ZNF875: variants seen among roughly 807,000 people sequenced by gnomAD.
ZNF875 encodes zinc finger protein 875.
A neutral mutation model predicts 11.2 loss-of-function variants in ZNF875; 14 were observed. The ratio of observed to expected loss-of-function variants is 1.26; its 90% CI spans 0.83 to 1.96. The LOEUF is 1.96. ZNF875 is among the 30% of genes most tolerant of loss of function. The pLI is 0.00. For missense variants in ZNF875, 752 were observed against 760.4 expected (o/e 0.99, Z 0.13); for synonymous variants, 301 against 281.1 (o/e 1.07, Z -0.71).
chr19:37,363,113 C>G lies in ZNF875; in HGVS notation c.1261C>G (p.Pro421Ala), dbSNP rs769801823. Residue 421 changes from proline (P) to alanine (A), a missense_variant, in exon 5 of 5, where the codon CCT becomes GCT. Coordinates refer to ENST00000392153, the MANE Select transcript of ZNF875 (RefSeq NM_001353803.2). ...CTTAAGGACACACACAGGAGAGAAG[C>G]CTTATGTATGCACAGAATGTGGGCG... Reference protein sequence around the residue: ...RHLRTHTGEKPYVCTECGRHF... With the variant: ...RHLRTHTGEKAYVCTECGRHF... The G allele has an allele frequency of 3.7e-6, 6 of 1,613,882 alleles. No individual in the cohort carries two copies. The East Asian group carries it at 1.1e-4, about 30-fold the overall frequency.
At chr19:37,338,452 A>C (rs558649699) in intron 2 of ZNF875, among the ~76,000 whole-genome samples, 1 of 152,244 alleles carries the variant, frequency 6.6e-6, no homozygotes, top group East Asian at 1.9e-4. Context: ...CACCACTCCC[A>C]GTGTTACCAG....
intron 1 of ZNF875, among the ~76,000 whole-genome samples, chr19:37,321,491 G>A (rs1405598235): frequency 6.6e-6 from 1 of 152,292 alleles, no homozygotes; most frequent in East Asian, 1.9e-4. Context: ...AGATGGTAGA[G>A]ATAATGATCA....
intron 1 of ZNF875, among the ~76,000 whole-genome samples, chr19:37,321,077 CTG>C (rs1217829711): frequency 1.3e-5 from 2 of 152,160 alleles, no homozygotes; most frequent in Non-Finnish European, 2.9e-5. Context: ...ACACAAAACA[CTG>C]TGTAAGGCCG....
chr19:37,323,804 C>T lies in ZNF875; in HGVS notation c.-661+234C>T, dbSNP rs546471437. 1.1e-4 allele frequency among the ~76,000 whole-genome samples: 16 copies of T among 152,290 alleles called. 1 individual carries two copies. In the South Asian group the frequency reaches 3.1e-3, roughly 30 times the overall value. On this transcript the variant is annotated intron_variant, in intron 3 of 5. Coordinates refer to the ZNF875 transcript ENST00000544914. Reference sequence around the variant, plus strand: ...ACTGTGTCCCCCAAAGGACATGAGGCCACAAACTGAAGTGCCCATGAACAG... The same window carrying T: ...ACTGTGTCCCCCAAAGGACATGAGGTCACAAACTGAAGTGCCCATGAACAG...
Position 37,362,462 on chromosome 19 carries a change from C to T in ZNF875, c.610C>T (p.Arg204Trp), listed in dbSNP as rs763616903. ...TVVDIGSSPERRADLEETDKV... is the reference protein window; with the variant it reads ...TVVDIGSSPEWRADLEETDKV... ...GGTGGATATAGGGTCCAGCCCTGAA[C>T]GGAGGGCAGATCTAGAGGAAACAGA... The change falls in exon 5 of 5, where the codon CGG becomes TGG. Residue 204 changes from arginine (R) to tryptophan (W), a missense_variant. Transcript: ENST00000392153. 3.0e-5 allele frequency: 48 copies of T among 1,613,940 alleles called. No individual in the cohort carries two copies. Among genetic ancestry groups the T allele is most frequent in the Non-Finnish European group, 3.2e-5 (38 of 1,179,978 alleles).
chr19:37,352,172 A>G (rs1241328332), intron 4 of ZNF875, among the ~76,000 whole-genome samples: 2 of 150,424 alleles, frequency 1.3e-5, no homozygotes, highest in Non-Finnish European at 3.0e-5. Context: ...TTTTAGCAAT[A>G]CCGCTTGTCT....
upstream of ZNF875, chr19:37,315,745 C>T (rs1333870413): frequency 6.6e-6 from 1 of 152,074 alleles, no homozygotes; most frequent in Admixed American, 6.5e-5. Flanking sequence ...AAGTTTTTTT[C>T]TAGTGTTTAT....
chr19:37,359,673 A>T (rs2039581020), intron 4 of ZNF875: 1 of 214,746 alleles, frequency 4.7e-6, no homozygotes, highest in Non-Finnish European at 9.4e-6. Context: ...AAGTGCTGGG[A>T]TTACAGGCAT....
intron 3 of ZNF875, 132 bp from the exon 4 acceptor site, chr19:37,347,645 C>T (rs1188087548): frequency 1.5e-6 from 1 of 648,468 alleles, no homozygotes; most frequent in African/African-American, 1.8e-5. Context: ...GTCAACCCTT[C>T]TACTTCAGAG....
chr19:37,362,699 G>A lies in ZNF875; in HGVS notation c.847G>A (p.Val283Met), dbSNP rs554059074. Reference protein sequence around the residue: ...PRTHSGGKPYVCRECGRGFTW... With the variant: ...PRTHSGGKPYMCRECGRGFTW... Reference sequence around the variant, plus strand: ...GACACACTCTGGGGGAAAGCCTTATGTGTGCAGGGAATGTGGGCGAGGCTT... The same window carrying A: ...GACACACTCTGGGGGAAAGCCTTATATGTGCAGGGAATGTGGGCGAGGCTT... Residue 283 changes from valine (V) to methionine (M), a missense_variant, in exon 5 of 5, where the codon GTG becomes ATG. By Grantham distance (21) the Val-to-Met change is conservative. Coordinates refer to ENST00000392153, the MANE Select transcript of ZNF875 (RefSeq NM_001353803.2). 2.5e-6 allele frequency: 4 copies of A among 1,613,568 alleles called. No individual in the cohort carries two copies. The highest frequency in any genetic ancestry group is 1.3e-5 in the African/African-American group (1 of 75,058).
At chr19:37,343,913 T>C (rs1211332796) in intron 2 of ZNF875, among the ~76,000 whole-genome samples, 2 of 152,078 alleles carry the variant, frequency 1.3e-5, no homozygotes, top group Non-Finnish European at 2.9e-5. Flanking sequence ...ACTTAGCCTA[T>C]ATAAAAAGAA....
At chr19:37,349,226 A>T (rs1291677889) in intron 4 of ZNF875, among the ~76,000 whole-genome samples, 1 of 152,194 alleles carries the variant, frequency 6.6e-6, no homozygotes, top group Non-Finnish European at 1.5e-5. Flanking sequence ...TTAACTAATT[A>T]CATCTGCAAC....
chr19:37,355,645 G>GT (rs370098705), intron 4 of ZNF875, among the ~76,000 whole-genome samples: 153 of 152,148 alleles, frequency 1.0e-3, no homozygotes, highest in African/African-American at 3.3e-3. Flanking sequence ...GAATAATATG[G>GT]TTTTTTACTT....
exon 1 of ZNF875, chr19:37,318,029 C>G (rs1477398575): frequency 1.3e-5 from 2 of 156,120 alleles, no homozygotes; most frequent in Non-Finnish European, 2.8e-5. Context: ...GAGTCCTGGC[C>G]TTCAGCGTCC....
At chr19:37,330,553 C>T (rs974758506), upstream of ZNF875, among the ~76,000 whole-genome samples, 1 of 152,048 alleles carries the variant, frequency 6.6e-6, no homozygotes, top group Non-Finnish European at 1.5e-5. Flanking sequence ...ATTATTTCCT[C>T]CCTCTCTCAT....
In ZNF875 at chr19:37,364,209, T is replaced by C. The variant is rs114657208; in HGVS notation, c.*434T>C. The C allele has an allele frequency of 3.4e-3, 604 of 177,258 alleles. 2 individuals carry two copies. Among genetic ancestry groups the C allele is most frequent in the African/African-American group, 0.013 (556 of 42,068 alleles). 11.0% of individuals were successfully genotyped at this position (177,258 alleles called of 1,614,324 possible). On this transcript the variant is annotated 3_prime_UTR_variant, in exon 5 of 5. Coordinates refer to ENST00000392153, the MANE Select transcript of ZNF875 (RefSeq NM_001353803.2). ...ATCCCAACCCTTCACCTATTTTACG[T>C]ATACCTGCCCTTTCCTAATTGGTTT...
Position 37,364,305 on chromosome 19 carries a change from A to C in ZNF875, c.*530A>C, listed in dbSNP as rs1017533164. On this transcript the variant is annotated 3_prime_UTR_variant, in exon 5 of 5. Coordinates refer to ENST00000392153, the MANE Select transcript of ZNF875 (RefSeq NM_001353803.2). ...CAAATCAGTCAACGTGTATTCCCCT[A>C]TTCTGAGCCCATAAAAGACCCAGAC... The C allele has an allele frequency of 6.5e-6, 1 of 154,762 alleles. No individual in the cohort carries two copies. Among genetic ancestry groups the C allele is most frequent in the East Asian group, 1.9e-4 (1 of 5,226 alleles). The allele number at this position is 154,762 out of a possible 1,614,324, so 9.6% of individuals were successfully genotyped here. A position where few individuals can be genotyped will look rare whatever the true frequency, so the allele number is the denominator to read the frequency against.
intron 2 of ZNF875, among the ~76,000 whole-genome samples, chr19:37,343,174 TA>T (rs1227359961): frequency 1.3e-5 from 2 of 151,756 alleles, no homozygotes; most frequent in Non-Finnish European, 2.9e-5. Context: ...CCGTCTCTAC[TA>T]AAAATACAAA....
chr19:37,359,409 C>CT (rs71177443), intron 4 of ZNF875: 38,478 of 188,750 alleles, frequency 0.2, 3,271 homozygotes, highest in African/African-American at 0.28. Context: ...ATAGTCTTTT[C>CT]TTTTTTTTTT....
Sources: allele counts gnomAD v4.1 joint callset (sites outside exome capture counted in the v4.1 genomes callset), GRCh38; gene constraint gnomAD v4.1.1; transcripts MANE v1.5; gene names NCBI Gene and HGNC (gene_info 2026-07-23, HGNC 2026-07-21).